WDR89: variants seen among roughly 807,000 people sequenced by gnomAD.
The protein encoded by WDR89 is WD repeat-containing protein 89.
In WDR89, 17 loss-of-function variants were observed where a neutral mutation model predicts 29.1. That is an observed-to-expected ratio of 0.58 (90% CI 0.40 to 0.88). The LOEUF (loss-of-function observed/expected upper bound fraction) is 0.88, where lower values mean the gene tolerates loss of function less well. WDR89 is among the 40% of genes least tolerant of loss of function. The probability of loss-of-function intolerance (pLI) is 0.00; values close to 1 mark genes in which losing one functional copy is unlikely to be tolerated. For missense variants in WDR89, 396 were observed against 456.3 expected, an observed-to-expected ratio of 0.87 and a Z score of 1.20; for synonymous variants, 138 against 157.8, an observed-to-expected ratio of 0.87 and a Z score of 0.94.
At chr14:63,601,539 C>G in intron 2 of WDR89, 1 of 1,566,562 alleles carries the variant, frequency 6.4e-7, no homozygotes, top group Non-Finnish European at 8.8e-7. Flanking sequence ...GTTTCTTCCA[C>G]TCTTTGACCG....
At chr14:63,636,709 C>A (rs969959140) in intron 1 of WDR89, among the ~76,000 whole-genome samples, 10 of 152,230 alleles carry the variant, frequency 6.6e-5, no homozygotes, top group Admixed American at 5.9e-4. Flanking sequence ...AATTGGCTAG[C>A]CACATGGAGG....
Position 63,599,455 on chromosome 14 carries a change from C to A in WDR89, c.488G>T (p.Gly163Val), listed in dbSNP as rs749358111. ...QNLSTTKDSL[G>V]AYSETHSDDV... ...ATCACTATGTGTCTCTGAATATGCA[C>A]CAAGTGAGTCTTTAGTTGTAGATAA... Residue 163 changes from glycine (G) to valine (V), a missense_variant, in exon 3 of 3, where the codon GGT becomes GTT. Gly to Val is a moderately radical substitution (Grantham distance 109, BLOSUM62 -3). Transcript: ENST00000620954. The A allele has an allele frequency of 9.1e-5, 147 of 1,614,030 alleles. No individual in the cohort carries two copies. Among genetic ancestry groups the A allele is most frequent in the Non-Finnish European group, 9.3e-5 (110 of 1,180,028 alleles).
rs1210317344 is a variant in WDR89 at position 63,599,563 on chromosome 14, T to C, written c.380A>G (p.Asp127Gly). Reference protein sequence around the residue: ...IFISFDINCNDHIICAGTEKV... With the variant: ...IFISFDINCNGHIICAGTEKV... ...TTCTGTACCAGCACAAATAATATGA[T>C]CATTACAATTAATATCAAAACTGAT... The change falls in exon 3 of 3, where the codon GAT becomes GGT. Residue 127 changes from aspartate to glycine, a missense_variant. Physicochemically the swap from Asp to Gly is moderately conservative, Grantham distance 94. Transcript: ENST00000620954. 1 of 1,614,126 alleles carries C rather than the reference T, an allele frequency of 6.2e-7. No homozygotes were observed. The highest frequency in any genetic ancestry group is 8.5e-7 in the Non-Finnish European group (1 of 1,180,014).
chr14:63,622,750 G>C (rs1415964568), intron 2 of WDR89, among the ~76,000 whole-genome samples: 1 of 152,124 alleles, frequency 6.6e-6, no homozygotes, highest in African/African-American at 2.4e-5. Context: ...CTGGGCAACA[G>C]ATCAAGACTC....
intron 2 of WDR89, among the ~76,000 whole-genome samples, chr14:63,610,219 TAAAAAAAAAAAAA>T (rs56984803): frequency 1.5e-5 from 1 of 65,326 alleles, no homozygotes; most frequent in Admixed American, 1.9e-4. Flanking sequence ...GACTCTGTCT[TAAAAAAAAAAAAA>T]AAAAAAAAAA....
At chr14:63,608,103 G>T (rs1881709219) in intron 2 of WDR89, among the ~76,000 whole-genome samples, 1 of 152,162 alleles carries the variant, frequency 6.6e-6, no homozygotes, top group South Asian at 2.1e-4. Flanking sequence ...CTACTCGGGA[G>T]GCTGAGGCAG....
At chr14:63,612,649 T>C (rs1430210192) in intron 2 of WDR89, among the ~76,000 whole-genome samples, 3 of 151,912 alleles carry the variant, frequency 2.0e-5, no homozygotes. Context: ...TGCCCCAAAG[T>C]GTTGTAATCC....
chr14:63,613,683 G>A (rs528598327), intron 2 of WDR89, among the ~76,000 whole-genome samples: 1 of 151,974 alleles, frequency 6.6e-6, no homozygotes, highest in Admixed American at 6.6e-5. Flanking sequence ...TGTATTTTTA[G>A]TAGAGATGGG....
rs530308128 is a variant in WDR89, at chr14:63,637,097, C to CT, written c.-138+4706dup. Among the ~76,000 whole-genome samples, 260 of 152,214 alleles carry CT rather than the reference C, an allele frequency of 1.7e-3. 2 individuals carry two copies. The highest frequency in any genetic ancestry group is 6.8e-3 in the Middle Eastern group (2 of 294). On this transcript the variant is annotated intron_variant, in intron 1 of 2. Transcript: ENST00000620954. ...ACAAACAAGCCCATCACAATGTGGG[C>CT]TAAGGACATGAAGAGACAATTCTCA...
intron 1 of WDR89, among the ~76,000 whole-genome samples, chr14:63,628,453 C>G (rs1373567342): frequency 6.6e-6 from 1 of 151,984 alleles, no homozygotes; most frequent in East Asian, 1.9e-4. Flanking sequence ...TTGGCAAGCT[C>G]TATGAAGAAA....
At chr14:63,637,917 C>G (rs372162710) in intron 1 of WDR89, among the ~76,000 whole-genome samples, 5 of 152,026 alleles carry the variant, frequency 3.3e-5, no homozygotes, top group African/African-American at 9.7e-5. Context: ...CTCATATAAC[C>G]AAATACCACC....
At chr14:63,617,909 A>C (rs1882422109) in intron 2 of WDR89, 2 of 152,210 alleles carry the variant, frequency 1.3e-5, no homozygotes. Context: ...AAAGTTTTAA[A>C]AAAGGCAAAA....
Position 63,599,722 on chromosome 14 carries a change from T to C in WDR89, c.221A>G (p.Asn74Ser), listed in dbSNP as rs1466124751. ...ACAGGAATTTGCAAATCTGACTCCA[T>C]TAAGAAGTCCAGGATATCCACTAAA... ...REFSGYPGLL[N>S]GVRFANSCDS... Residue 74 changes from asparagine to serine, a missense_variant, in exon 3 of 3, where the codon AAT becomes AGT. Transcript: ENST00000620954. 6.2e-7 allele frequency: 1 copy of C among 1,614,222 alleles called. No individual in the cohort carries two copies.
chr14:63,638,246 A>G (rs1883872369), intron 1 of WDR89, among the ~76,000 whole-genome samples: 1 of 152,132 alleles, frequency 6.6e-6, no homozygotes, highest in Non-Finnish European at 1.5e-5. Context: ...TTCTTGGCCA[A>G]AAAGTAAGTT....
At chr14:63,602,503 T>A in intron 2 of WDR89, among the ~76,000 whole-genome samples, 1 of 145,100 alleles carries the variant, frequency 6.9e-6, no homozygotes, top group African/African-American at 2.6e-5. Context: ...CTGGACATGG[T>A]AGCTCACGCC....
chr14:63,639,304 G>C (rs1465949072), intron 1 of WDR89, among the ~76,000 whole-genome samples: 1 of 148,174 alleles, frequency 6.7e-6, no homozygotes, highest in African/African-American at 2.5e-5. Flanking sequence ...AGGACTGCTT[G>C]AGCCCAGGAG....
intron 1 of WDR89, among the ~76,000 whole-genome samples, chr14:63,634,313 G>C (rs1239562925): frequency 6.6e-6 from 1 of 152,152 alleles, no homozygotes; most frequent in Admixed American, 6.5e-5. Context: ...CCTGATGTCA[G>C]GAGCTCGTTA....
At chr14:63,616,841 C>A (rs1314296897) in intron 2 of WDR89, among the ~76,000 whole-genome samples, 1 of 151,982 alleles carries the variant, frequency 6.6e-6, no homozygotes, top group South Asian at 2.1e-4. Context: ...GACTAAAGGG[C>A]AAGAGTATAA....
intron 2 of WDR89, among the ~76,000 whole-genome samples, chr14:63,605,605 A>G (rs2139500623): frequency 6.6e-6 from 1 of 152,182 alleles, no homozygotes; most frequent in African/African-American, 2.4e-5. Flanking sequence ...GATTACAGGC[A>G]TATGCCACAA....
Sources: gnomAD v4.1 joint callset for allele counts (sites outside exome capture counted in the v4.1 genomes callset) on GRCh38, gnomAD v4.1.1 for gene constraint, MANE v1.5 for transcripts, NCBI Gene and HGNC (gene_info 2026-07-23, HGNC 2026-07-21) for gene names.